SAMD5: variants seen among roughly 807,000 people sequenced by gnomAD.
The protein encoded by SAMD5 is sterile alpha motif domain containing 5.
In SAMD5, 13 loss-of-function variants were observed where a neutral mutation model predicts 11.3. The observed-to-expected ratio is 1.15, with a 90% CI of 0.75 to 1.83. The LOEUF is 1.83. Among genes scored for constraint, SAMD5 ranks in the 40% most tolerant of loss-of-function variants. The pLI is 0.00. For missense variants in SAMD5, 255 were observed against 239.1 expected, an observed-to-expected ratio of 1.07 and a Z score of -0.44; for synonymous variants, 129 against 111.3, an observed-to-expected ratio of 1.16 and a Z score of -1.00.
At chr6:147,644,856 C>G (rs1790373722) in intron 1 of SAMD5, among the ~76,000 whole-genome samples, 1 of 152,118 alleles carries the variant, frequency 6.6e-6, no homozygotes, top group East Asian at 1.9e-4. Context: ...CATGGAAACC[C>G]TTGGATTAGC....
intron 1 of SAMD5, among the ~76,000 whole-genome samples, chr6:147,537,611 G>A (rs1294822903): frequency 6.6e-6 from 1 of 151,808 alleles, no homozygotes; most frequent in African/African-American, 2.4e-5. Flanking sequence ...AAAAATTAGC[G>A]GGCGTGGTGG....
intron 1 of SAMD5, among the ~76,000 whole-genome samples, chr6:147,552,691 G>A (rs1788793045): frequency 6.6e-6 from 1 of 152,220 alleles, no homozygotes; most frequent in African/African-American, 2.4e-5. Flanking sequence ...CTGTGTGTGT[G>A]TTTGTGCACA....
chr6:147,608,994 T>A (rs1165824514), intron 1 of SAMD5, among the ~76,000 whole-genome samples: 1 of 152,026 alleles, frequency 6.6e-6, no homozygotes, highest in Admixed American at 6.5e-5. Flanking sequence ...AAATAGACAG[T>A]GATCACTTTT....
At chr6:147,665,194 A>G (rs940971798) in intron 1 of SAMD5, among the ~76,000 whole-genome samples, 1 of 152,252 alleles carries the variant, frequency 6.6e-6, no homozygotes, top group Admixed American at 6.5e-5. Context: ...AATGTAGTTC[A>G]TATGATTCTA....
chr6:147,570,005 T>C lies in SAMD5; in HGVS notation c.*5549T>C, dbSNP rs1033308991. The C allele has an allele frequency of 1.0e-6, 1 of 984,610 alleles. No individual in the cohort carries two copies. The highest frequency in any genetic ancestry group is 1.2e-6 in the Non-Finnish European group (1 of 829,110). 61.0% of individuals were successfully genotyped at this position (984,610 alleles called of 1,614,324 possible). On this transcript the variant is annotated 3_prime_UTR_variant, in exon 2 of 2. Coordinates refer to ENST00000367474, the MANE Select transcript of SAMD5 (RefSeq NM_001030060.3). ...ACATATGTCCGCTCTTCAATAAATG[T>C]TACGGCTTTCACAGCGGTTCCGCCT...
chr6:147,605,580 C>T (rs913334592), intron 1 of SAMD5, among the ~76,000 whole-genome samples: 1 of 152,050 alleles, frequency 6.6e-6, no homozygotes, highest in Non-Finnish European at 1.5e-5. Context: ...AAGCAATGTA[C>T]AGAAAATAGA....
At chr6:147,635,747 G>A (rs992151563) in intron 1 of SAMD5, among the ~76,000 whole-genome samples, 1 of 152,164 alleles carries the variant, frequency 6.6e-6, no homozygotes, top group Non-Finnish European at 1.5e-5. Context: ...CATGAGAAGA[G>A]GATGCCCAAA....
rs1043578742 is a variant in SAMD5, at chr6:147,710,573, A to T, written c.163-26744A>T. Among the ~76,000 whole-genome samples, 10 of 152,116 alleles carry T rather than the reference A, an allele frequency of 6.6e-5. 1 individual carries two copies. The highest frequency in any genetic ancestry group is 2.4e-4 in the African/African-American group (10 of 41,448). On this transcript the variant is annotated intron_variant, in intron 1 of 1. Transcript: ENST00000566741. ...CGGTTATCAGATTGACTGTGGCAGC[A>T]TCACAGTGCTGGTGCCCAAAGAACC... is the stretch of plus-strand genomic sequence containing the variant.
the SAMD5 span, among the ~76,000 whole-genome samples, chr6:147,801,122 C>T: frequency 6.6e-6 from 1 of 152,054 alleles, no homozygotes; most frequent in Non-Finnish European, 1.5e-5. Context: ...ATCTAAAACA[C>T]CTACAATTGA....
the SAMD5 span, among the ~76,000 whole-genome samples, chr6:147,794,855 G>T: frequency 6.6e-6 from 1 of 151,588 alleles, no homozygotes; most frequent in East Asian, 1.9e-4. Flanking sequence ...CTTTCCTGGT[G>T]ATACTAATAC....
chr6:147,697,267 G>A (rs1209572962), intron 1 of SAMD5, among the ~76,000 whole-genome samples: 1 of 152,200 alleles, frequency 6.6e-6, no homozygotes, highest in East Asian at 1.9e-4. Context: ...AATCCATCTA[G>A]ATTCATGGAT....
the SAMD5 span, among the ~76,000 whole-genome samples, chr6:147,895,548 C>T: frequency 6.6e-6 from 1 of 152,138 alleles, no homozygotes; most frequent in African/African-American, 2.4e-5. Flanking sequence ...GATAGAGCAT[C>T]GCAGGTGGCA....
intron 1 of SAMD5, among the ~76,000 whole-genome samples, chr6:147,674,179 C>A (rs1016833262): frequency 2.6e-5 from 4 of 152,106 alleles, no homozygotes; most frequent in African/African-American, 9.7e-5. Context: ...TGCTACATGT[C>A]CCTGGAGTTC....
the SAMD5 span, among the ~76,000 whole-genome samples, chr6:147,908,977 G>T: frequency 5.9e-5 from 9 of 152,178 alleles, no homozygotes; most frequent in African/African-American, 2.2e-4. Context: ...GGGAGGCCAA[G>T]GTGGGAGGAT....
At chr6:147,550,109 G>A (rs932846669) in intron 1 of SAMD5, among the ~76,000 whole-genome samples, 1 of 151,936 alleles carries the variant, frequency 6.6e-6, no homozygotes, top group Non-Finnish European at 1.5e-5. Context: ...GATGGGCATG[G>A]TGGCCCACTT....
intron 1 of SAMD5, among the ~76,000 whole-genome samples, chr6:147,624,789 T>C (rs1014921051): frequency 6.6e-6 from 1 of 152,060 alleles, no homozygotes; most frequent in Non-Finnish European, 1.5e-5. Context: ...GCTCAGATGA[T>C]AGGTGTACCA....
intron 1 of SAMD5, chr6:147,730,092 A>AG: frequency 2.3e-6 from 1 of 431,196 alleles, no homozygotes; most frequent in East Asian, 7.0e-5. Context: ...AAAAAAAAAA[A>AG]GAAAAGAAAA....
chr6:147,629,573 C>G (rs1032991392), intron 1 of SAMD5, among the ~76,000 whole-genome samples: 2 of 152,150 alleles, frequency 1.3e-5, no homozygotes, highest in African/African-American at 2.4e-5. Flanking sequence ...CTAGTGGAGG[C>G]TAGTAAAAGG....
At chr6:147,845,030 T>C in the SAMD5 span, among the ~76,000 whole-genome samples, 3 of 152,314 alleles carry the variant, frequency 2.0e-5, no homozygotes, top group South Asian at 2.1e-4. Flanking sequence ...TTTGAGGTGA[T>C]AGATATGCTG....
Sources: allele counts gnomAD v4.1 joint callset (sites outside exome capture counted in the v4.1 genomes callset), GRCh38; gene constraint gnomAD v4.1.1; transcripts MANE v1.5; gene names NCBI Gene and HGNC (gene_info 2026-07-23, HGNC 2026-07-21).